Variants in VAC14 observed in about 807,000 individuals in gnomAD.
VAC14 encodes the protein protein VAC14 homolog.
VAC14 carries 47 observed loss-of-function variants against 85.3 expected under a neutral mutation model. The observed-to-expected ratio is 0.55, with a 90% confidence interval of 0.44 to 0.70. The LOEUF (loss-of-function observed/expected upper bound fraction) is 0.70. Among genes scored for constraint, VAC14 ranks in the 30% least tolerant of loss-of-function variants. VAC14 has a pLI of 0.00. For missense variants in VAC14, 861 were observed against 1,004.3 expected (o/e 0.86, Z 1.93); for synonymous variants, 447 against 430.5 (o/e 1.04, Z -0.47).
At chr16:70,796,484 A>G (rs2034551147) in intron 1 of VAC14, among the ~76,000 whole-genome samples, 1 of 152,206 alleles carries the variant, frequency 6.6e-6, no homozygotes, top group Non-Finnish European at 1.5e-5. Context: ...CCTTTCTGGT[A>G]GGGAAAACCA....
In VAC14 at chr16:70,775,032, G is replaced by A. The variant is rs1453972030; in HGVS notation, c.1097-2860C>T. Among the ~76,000 whole-genome samples, 8 of 152,208 alleles carry A rather than the reference G, an allele frequency of 5.3e-5. No individual in the cohort carries two copies. The South Asian group carries it at 6.2e-4, about 12-fold the overall frequency. ...CTCTGAAAGTGCTGGGATTACAGGC[G>A]TGAGCCACCATGCCCAGCGTATTGA... On this transcript the variant is annotated intron_variant, in intron 9 of 18. Transcript: ENST00000261776.
At chr16:70,750,081 G>A (rs1234602997) in intron 12 of VAC14, among the ~76,000 whole-genome samples, 1 of 152,226 alleles carries the variant, frequency 6.6e-6, no homozygotes, top group Non-Finnish European at 1.5e-5. Flanking sequence ...TGGAGGAGAA[G>A]GCGATCTCAG....
chr16:70,763,813 C>T (rs191923526), intron 10 of VAC14, among the ~76,000 whole-genome samples: 24 of 152,318 alleles, frequency 1.6e-4, no homozygotes, highest in African/African-American at 5.5e-4. Flanking sequence ...AAGCAGCCTG[C>T]GGGACAGCGG....
intron 1 of VAC14, among the ~76,000 whole-genome samples, chr16:70,791,347 T>G (rs1410120678): frequency 1.3e-5 from 2 of 152,206 alleles, no homozygotes; most frequent in Non-Finnish European, 2.9e-5. Context: ...GCAGGTAAAT[T>G]CCTTCTAATT....
At position 70,700,406 on chromosome 16, in the gene VAC14, G is replaced by A. The variant is rs542932865; in HGVS notation, c.1662-1595C>T. On this transcript the variant is annotated intron_variant, in intron 14 of 18. Coordinates refer to ENST00000261776, the MANE Select transcript of VAC14 (RefSeq NM_018052.5). ...ATGCCGGGGGCTCCCCTGGGGTTAG[G>A]TGGGAGGTGAAGGCCTCCGCCTGGT... Among the ~76,000 whole-genome samples the A allele has an allele frequency of 1.7e-3, 254 of 152,370 alleles. 2 individuals are homozygous for A. The highest frequency in any genetic ancestry group is 5.9e-3 in the African/African-American group (245 of 41,592).
At chr16:70,791,916 TA>T (rs1255439010) in intron 1 of VAC14, among the ~76,000 whole-genome samples, 2 of 152,316 alleles carry the variant, frequency 1.3e-5, no homozygotes, top group East Asian at 3.9e-4. Flanking sequence ...CCTGCTGGGT[TA>T]ATCAATACTG....
chr16:70,731,379 G>T, intron 14 of VAC14, 116 bp downstream of exon 14: 1 of 1,514,824 alleles, frequency 6.6e-7, no homozygotes, highest in Non-Finnish European at 8.8e-7. Context: ...CCAAAGGTCA[G>T]GAAAAGGAGG....
intron 9 of VAC14, chr16:70,773,117 G>A (rs907884345): frequency 2.6e-5 from 4 of 152,164 alleles, no homozygotes; most frequent in Admixed American, 1.3e-4. Context: ...TCAAGGGCAC[G>A]GAAAATATTC....
At chr16:70,713,709 GT>G (rs34017623) in intron 14 of VAC14, among the ~76,000 whole-genome samples, 61,656 of 133,358 alleles carry the variant, frequency 0.46, 12,444 homozygotes, top group Non-Finnish European at 0.5. Context: ...CTTTGTTTTT[GT>G]TTTTTTTTTT....
At chr16:70,760,239 A>G (rs2032215857) in intron 12 of VAC14, among the ~76,000 whole-genome samples, 1 of 152,118 alleles carries the variant, frequency 6.6e-6, no homozygotes. Flanking sequence ...CTTGAATCCC[A>G]GGGAGCTCCA....
At chr16:70,742,253 T>G (rs770048621) in intron 13 of VAC14, among the ~76,000 whole-genome samples, 1 of 152,148 alleles carries the variant, frequency 6.6e-6, no homozygotes, top group Non-Finnish European at 1.5e-5. Flanking sequence ...CCAGGGACCC[T>G]TTGCCCAGGC....
chr16:70,769,323 T>C (rs746044979), intron 10 of VAC14: 5 of 153,150 alleles, frequency 3.3e-5, no homozygotes, highest in Non-Finnish European at 5.8e-5. Flanking sequence ...CGTGGTGCCT[T>C]GGGCAAGCGG....
intron 10 of VAC14, chr16:70,766,596 T>A (rs544643871): frequency 1.0e-3 from 472 of 454,374 alleles, no homozygotes; most frequent in Admixed American, 1.9e-3. Context: ...CAAGCCCAGG[T>A]CCAGAGGCAG....
chr16:70,750,162 G>T (rs183146509), intron 12 of VAC14, among the ~76,000 whole-genome samples: 1 of 152,296 alleles, frequency 6.6e-6, no homozygotes, highest in Non-Finnish European at 1.5e-5. Flanking sequence ...ACGCTTCTAG[G>T]CCACTCCTGC....
At chr16:70,693,073 G>C in intron 17 of VAC14, 102 bp from the exon 18 acceptor site, 1 of 1,443,300 alleles carries the variant, frequency 6.9e-7, no homozygotes, top group Non-Finnish European at 9.3e-7. Context: ...CTGGGACTTG[G>C]TGCCATGGCA....
chr16:70,761,018 T>TGTGTGTGTGTGTGTGTGTGTGTGTGCGG (rs1555523169), intron 12 of VAC14: 1 of 267,786 alleles, frequency 3.7e-6, no homozygotes. Context: ...TGTGTGTGTG[T>TGTGTGTGTGTGTGTGTGTGTGTGTGCGG]GCATGGGGGG....
chr16:70,768,956 A>C (rs1597977886), intron 10 of VAC14: 11 of 271,542 alleles, frequency 4.1e-5, no homozygotes, highest in Non-Finnish European at 5.8e-5. Flanking sequence ...AAGTGCCACC[A>C]CGCCTGGCTA....
At chr16:70,727,713 C>T (rs909193009) in intron 14 of VAC14, among the ~76,000 whole-genome samples, 23 of 152,218 alleles carry the variant, frequency 1.5e-4, no homozygotes, top group Admixed American at 5.2e-4. Flanking sequence ...GTGGATACCC[C>T]CCTCCACCTC....
chr16:70,763,739 G>A (rs1463208445), intron 10 of VAC14, among the ~76,000 whole-genome samples: 1 of 152,220 alleles, frequency 6.6e-6, no homozygotes, highest in Admixed American at 6.5e-5. Context: ...CTTTTGTTCT[G>A]GTGGGCACAG....
Sources: allele counts gnomAD v4.1 joint callset (sites outside exome capture counted in the v4.1 genomes callset), GRCh38; gene constraint gnomAD v4.1.1; transcripts MANE v1.5; gene names NCBI Gene and HGNC (gene_info 2026-07-23, HGNC 2026-07-21).